Variants in TSHZ2 observed in about 807,000 individuals in gnomAD.
TSHZ2 encodes the protein teashirt homolog 2.
In TSHZ2, 21 loss-of-function variants were observed where a neutral mutation model predicts 74.4. The ratio of observed to expected loss-of-function variants is 0.28; its 90% CI spans 0.20 to 0.41. The LOEUF (loss-of-function observed/expected upper bound fraction) is 0.41, where lower values mean the gene tolerates loss of function less well. Among genes scored for constraint, TSHZ2 ranks in the 10% least tolerant of loss-of-function variants. TSHZ2 has a pLI of 1.00. For missense variants in TSHZ2, 1,244 were observed against 1,293.5 expected, an observed-to-expected ratio of 0.96 and a Z score of 0.59; for synonymous variants, 540 against 515.3, an observed-to-expected ratio of 1.05 and a Z score of -0.65.
rs184688230 is a variant in TSHZ2 at position 53,122,230 on chromosome 20, G to T, written c.41-131269G>T. Among the ~76,000 whole-genome samples, 74 of 150,772 alleles carry T rather than the reference G, an allele frequency of 4.9e-4. 1 individual carries two copies. Among genetic ancestry groups the T allele is most frequent in the Middle Eastern group, 3.4e-3 (1 of 294 alleles). On this transcript the variant is annotated intron_variant, in intron 1 of 2. Coordinates refer to ENST00000371497, the MANE Select transcript of TSHZ2 (RefSeq NM_173485.6). ...TTGAGCCCAGCAGGTGCAGGATGTG[G>T]TGAGCCAAGATCACGCCACTTCACT...
chr20:53,316,435 G>A (rs1403408393), intron 2 of TSHZ2, among the ~76,000 whole-genome samples: 1 of 152,140 alleles, frequency 6.6e-6, no homozygotes, highest in East Asian at 1.9e-4. Context: ...GAATGGAAAA[G>A]GCCCTGAAAT....
intron 2 of TSHZ2, among the ~76,000 whole-genome samples, chr20:53,340,530 G>A (rs192584786): frequency 3.3e-5 from 5 of 152,286 alleles, no homozygotes; most frequent in Non-Finnish European, 7.4e-5. Context: ...AATGTGCAAT[G>A]AGCCCTATAT....
intron 1 of TSHZ2, among the ~76,000 whole-genome samples, chr20:53,122,534 G>T (rs1936971): frequency 2.0e-5 from 3 of 152,002 alleles, no homozygotes; most frequent in Non-Finnish European, 4.4e-5. Context: ...CTTTCCCTAA[G>T]GTTGAGCCAG....
chr20:53,426,880 G>A (rs1033055116), intron 2 of TSHZ2, among the ~76,000 whole-genome samples: 10 of 152,178 alleles, frequency 6.6e-5, no homozygotes, highest in African/African-American at 2.2e-4. Context: ...CAGTGAAATT[G>A]TCAGTTGATT....
At chr20:53,334,358 A>G (rs1979853207) in intron 2 of TSHZ2, among the ~76,000 whole-genome samples, 1 of 152,146 alleles carries the variant, frequency 6.6e-6, no homozygotes, top group South Asian at 2.1e-4. Flanking sequence ...AGGAGGTGAA[A>G]GTGAAAGCCA....
intron 2 of TSHZ2, among the ~76,000 whole-genome samples, chr20:53,354,202 A>C (rs1474316355): frequency 6.6e-6 from 1 of 152,258 alleles, no homozygotes; most frequent in Admixed American, 6.5e-5. Context: ...GGTAGAGAGC[A>C]TAGACTAGAG....
chr20:53,461,246 C>T lies in TSHZ2; in HGVS notation c.*9-25898C>T, dbSNP rs574630783. 2.5e-4 allele frequency among the ~76,000 whole-genome samples: 38 copies of T among 152,166 alleles called. 1 individual carries two copies. The highest frequency in any genetic ancestry group is 3.4e-3 in the Middle Eastern group (1 of 294). ...AGGTGCGGGATATAATCTCCTGGTG[C>T]GCCGTTTTTTAAGCCCGTCAGAAAA... On this transcript the variant is annotated intron_variant, in intron 2 of 2. Transcript: ENST00000371497.
chr20:53,428,969 G>A (rs1983747529), intron 2 of TSHZ2, among the ~76,000 whole-genome samples: 1 of 152,190 alleles, frequency 6.6e-6, no homozygotes, highest in South Asian at 2.1e-4. Flanking sequence ...GTATCTCAAA[G>A]TCCTTTTGCT....
At chr20:53,387,342 C>T (rs1232446668) in intron 2 of TSHZ2, among the ~76,000 whole-genome samples, 2 of 152,218 alleles carry the variant, frequency 1.3e-5, no homozygotes, top group Non-Finnish European at 2.9e-5. Context: ...GACCTGGCTT[C>T]AGGATCATCT....
At chr20:53,448,838 C>T (rs1984660225) in intron 2 of TSHZ2, among the ~76,000 whole-genome samples, 1 of 152,124 alleles carries the variant, frequency 6.6e-6, no homozygotes, top group African/African-American at 2.4e-5. Flanking sequence ...GAAAAGGAGA[C>T]TAAAAATAAC....
chr20:53,284,531 A>G (rs763781363), intron 2 of TSHZ2, among the ~76,000 whole-genome samples: 2 of 152,224 alleles, frequency 1.3e-5, no homozygotes, highest in Non-Finnish European at 2.9e-5. Flanking sequence ...ATGCACATTA[A>G]TGGGATAATA....
At chr20:53,324,314 C>A (rs989537338) in intron 2 of TSHZ2, among the ~76,000 whole-genome samples, 16 of 152,032 alleles carry the variant, frequency 1.1e-4, no homozygotes, top group Admixed American at 9.8e-4. Flanking sequence ...AGTGTAGAAG[C>A]CCTAGGTAGG....
At chr20:53,014,844 G>T (rs558830147) in intron 1 of TSHZ2, among the ~76,000 whole-genome samples, 5 of 152,046 alleles carry the variant, frequency 3.3e-5, no homozygotes, top group Non-Finnish European at 5.9e-5. Flanking sequence ...CCAGTACAAC[G>T]CTTCGTACAG....
intron 1 of TSHZ2, among the ~76,000 whole-genome samples, chr20:53,169,831 A>G (rs546969014): frequency 6.6e-6 from 1 of 152,330 alleles, no homozygotes; most frequent in South Asian, 2.1e-4. Context: ...GTGCCTATAT[A>G]TACATTGTAT....
At chr20:53,009,981 C>A (rs1236581639) in intron 1 of TSHZ2, among the ~76,000 whole-genome samples, 1 of 152,126 alleles carries the variant, frequency 6.6e-6, no homozygotes, top group Non-Finnish European at 1.5e-5. Context: ...TAAACTATAT[C>A]ATAATCACTA....
intron 2 of TSHZ2, among the ~76,000 whole-genome samples, chr20:53,454,699 A>T (rs369658602): frequency 6.6e-6 from 1 of 152,310 alleles, no homozygotes; most frequent in Admixed American, 6.5e-5. Context: ...TAGCCCCATC[A>T]GAACTGAAAC....
chr20:53,061,422 C>A (rs781623877), intron 1 of TSHZ2, among the ~76,000 whole-genome samples: 6 of 152,126 alleles, frequency 3.9e-5, no homozygotes, highest in Non-Finnish European at 8.8e-5. Flanking sequence ...GTCATTCTAA[C>A]AGAGGATCAT....
chr20:53,040,104 A>G (rs1408419255), intron 1 of TSHZ2, among the ~76,000 whole-genome samples: 3 of 152,116 alleles, frequency 2.0e-5, no homozygotes, highest in African/African-American at 7.2e-5. Flanking sequence ...GACTCCGTCT[A>G]AAAAAACAAA....
chr20:53,116,542 C>T (rs1275882129), intron 1 of TSHZ2, among the ~76,000 whole-genome samples: 1 of 152,166 alleles, frequency 6.6e-6, no homozygotes, highest in African/African-American at 2.4e-5. Flanking sequence ...CAACTGGTCT[C>T]AAGACATTTT....
Sources: gnomAD v4.1 joint callset for allele counts (sites outside exome capture counted in the v4.1 genomes callset) on GRCh38, gnomAD v4.1.1 for gene constraint, MANE v1.5 for transcripts, NCBI Gene and HGNC (gene_info 2026-07-23, HGNC 2026-07-21) for gene names.